The following TNS3 variants were observed in gnomAD, a reference collection of about 807,000 sequenced individuals.
TNS3 encodes the protein tensin 3, also known as tensin-3.
Under a neutral mutation model 140.9 loss-of-function variants are expected in TNS3, and 45 were observed. The observed-to-expected ratio is 0.32, with a 90% CI of 0.25 to 0.41. The LOEUF (loss-of-function observed/expected upper bound fraction) is 0.41. Among genes scored for constraint, TNS3 ranks in the 10% least tolerant of loss-of-function variants. TNS3 has a pLI of 1.00. For missense variants in TNS3, 1,716 were observed against 1,906.7 expected, an observed-to-expected ratio of 0.90 and a Z score of 1.86; for synonymous variants, 815 against 788.4, an observed-to-expected ratio of 1.03 and a Z score of -0.56.
intron 1 of TNS3, chr7:47,557,029 A>T (rs1412438293): frequency 4.4e-6 from 2 of 456,542 alleles, no homozygotes; most frequent in Admixed American, 4.7e-5. Context: ...GGAGCAACAG[A>T]ACCTGACCTG....
intron 1 of TNS3, among the ~76,000 whole-genome samples, chr7:47,554,561 G>T (rs1437439133): frequency 6.6e-6 from 1 of 152,198 alleles, no homozygotes. Flanking sequence ...CCTTATGAAT[G>T]ATCTTGAGGG....
chr7:47,520,231 G>C (rs1051675836), intron 2 of TNS3, among the ~76,000 whole-genome samples: 2 of 152,206 alleles, frequency 1.3e-5, no homozygotes, highest in African/African-American at 4.8e-5. Context: ...CTTCGAGGAT[G>C]TGGAATCAGA....
intron 11 of TNS3, 105 bp downstream of exon 11, chr7:47,414,989 G>A: frequency 3.8e-6 from 3 of 790,452 alleles, no homozygotes; most frequent in Non-Finnish European, 4.1e-6. Flanking sequence ...CAGATCCTGG[G>A]CCCTCTCGGA....
intron 4 of TNS3, among the ~76,000 whole-genome samples, chr7:47,461,439 GT>G (rs1796485676): frequency 6.6e-6 from 1 of 152,130 alleles, no homozygotes; most frequent in South Asian, 2.1e-4. Context: ...AGAATTGGCT[GT>G]CCCCGCTCCC....
intron 1 of TNS3, among the ~76,000 whole-genome samples, chr7:47,529,412 A>C (rs1799314533): frequency 6.6e-6 from 1 of 152,242 alleles, no homozygotes; most frequent in South Asian, 2.1e-4. Flanking sequence ...TGGGGTGCCT[A>C]GAAACATTAC....
chr7:47,299,260 C>T (rs1285832435), intron 23 of TNS3, among the ~76,000 whole-genome samples: 2 of 152,190 alleles, frequency 1.3e-5, no homozygotes, highest in Non-Finnish European at 2.9e-5. Flanking sequence ...ACCTCAGCTT[C>T]CTGAGTAGCT....
intron 2 of TNS3, among the ~76,000 whole-genome samples, chr7:47,518,671 G>T (rs916792537): frequency 1.3e-5 from 2 of 152,122 alleles, no homozygotes; most frequent in African/African-American, 2.4e-5. Context: ...CTACAAGAAA[G>T]AATATAAATA....
intron 4 of TNS3, among the ~76,000 whole-genome samples, chr7:47,478,664 TAC>T (rs1455355626): frequency 6.6e-6 from 1 of 152,020 alleles, no homozygotes; most frequent in African/African-American, 2.4e-5. Context: ...ATAACATATA[TAC>T]ACTCACATAT....
At chr7:47,518,563 C>T (rs756338544) in intron 2 of TNS3, among the ~76,000 whole-genome samples, 2 of 152,058 alleles carry the variant, frequency 1.3e-5, no homozygotes, top group Admixed American at 6.5e-5. Flanking sequence ...GCACAGAGGC[C>T]GACGCCTGAA....
intron 13 of TNS3, among the ~76,000 whole-genome samples, chr7:47,402,581 C>T (rs534298106): frequency 8.7e-4 from 132 of 152,286 alleles, no homozygotes; most frequent in African/African-American, 3.1e-3. Flanking sequence ...CTCCCCATGC[C>T]CCACACTCAC....
chr7:47,347,710 C>T (rs1333486993), intron 17 of TNS3, among the ~76,000 whole-genome samples: 2 of 152,154 alleles, frequency 1.3e-5, no homozygotes, highest in African/African-American at 4.8e-5. Context: ...TCCACCTCTT[C>T]CTTCCATCCT....
chr7:47,522,830 A>C (rs557087796), intron 2 of TNS3, among the ~76,000 whole-genome samples: 9 of 150,440 alleles, frequency 6.0e-5, no homozygotes, highest in African/African-American at 2.2e-4. Flanking sequence ...CGGGAGGCTG[A>C]GGCGGGAGAA....
chr7:47,383,623 T>G (rs796447779), intron 16 of TNS3, among the ~76,000 whole-genome samples: 4 of 152,252 alleles, frequency 2.6e-5, no homozygotes, highest in African/African-American at 9.6e-5. Flanking sequence ...AAGGGCATAT[T>G]TAGAAAGCAA....
In TNS3 at chr7:47,303,506, G is replaced by T. The variant is rs765012669; in HGVS notation, c.2901C>A (p.Thr967=). The change falls in exon 22 of 31, where the codon ACC becomes ACA. Residue 967 remains threonine (T), a synonymous_variant. Transcript: ENST00000311160. ...MVSLLGSGRP[T]GSPLSAEFSG... The stretch of plus-strand genomic sequence containing the variant: ...AGAACTCAGCGCTGAGGGGACTTCC[G>T]GTGGGCCGGCCGCTCCCCAGCAGGG... The T allele has an allele frequency of 1.2e-6, 2 of 1,608,922 alleles. No homozygotes were observed. Among genetic ancestry groups the T allele is most frequent in the East Asian group, 4.5e-5 (2 of 44,832 alleles).
intron 4 of TNS3, among the ~76,000 whole-genome samples, chr7:47,463,477 T>C (rs1476322949): frequency 6.6e-6 from 1 of 152,180 alleles, no homozygotes; most frequent in Non-Finnish European, 1.5e-5. Context: ...CATGAAACTC[T>C]CAGCCATTGG....
chr7:47,389,237 CA>C (rs1157264971), intron 16 of TNS3, among the ~76,000 whole-genome samples: 2 of 152,104 alleles, frequency 1.3e-5, no homozygotes, highest in African/African-American at 4.8e-5. Flanking sequence ...TACAGAAATA[CA>C]AACAAGCCAT....
chr7:47,386,802 C>G (rs1792101195), intron 16 of TNS3, among the ~76,000 whole-genome samples: 1 of 152,244 alleles, frequency 6.6e-6, no homozygotes, highest in Non-Finnish European at 1.5e-5. Flanking sequence ...TTAAAGCTCG[C>G]TTTTCTTACA....
chr7:47,577,659 C>T (rs1000980331), intron 1 of TNS3, among the ~76,000 whole-genome samples: 2 of 152,178 alleles, frequency 1.3e-5, no homozygotes, highest in African/African-American at 2.4e-5. Flanking sequence ...AAAGGGAGAC[C>T]ATCAGGATGG....
chr7:47,411,836 A>G (rs1793790280), intron 12 of TNS3, 34 bp from the exon 13 acceptor site: 3 of 1,598,754 alleles, frequency 1.9e-6, no homozygotes, highest in Non-Finnish European at 1.7e-6. Context: ...ATCATTATGC[A>G]ACTTCATGAT....
Sources: allele counts gnomAD v4.1 joint callset (sites outside exome capture counted in the v4.1 genomes callset), GRCh38; gene constraint gnomAD v4.1.1; transcripts MANE v1.5; gene names NCBI Gene and HGNC (gene_info 2026-07-23, HGNC 2026-07-21).